NEGR1: variants seen among roughly 807,000 people sequenced by gnomAD.
NEGR1 encodes the protein IgLON family member 4.
Under a neutral mutation model 40.9 loss-of-function variants are expected in NEGR1, and 10 were observed. That is an observed-to-expected ratio of 0.24 (90% CI 0.15 to 0.42). The LOEUF (loss-of-function observed/expected upper bound fraction) is 0.42. Ranked by LOEUF, NEGR1 falls within the 10% of genes least tolerant of loss-of-function variation. NEGR1 has a pLI of 1.00. For synonymous variants in NEGR1, 185 were observed against 166.8 expected, an observed-to-expected ratio of 1.11 and a Z score of -0.84; for missense variants, 352 against 438.9, an observed-to-expected ratio of 0.80 and a Z score of 1.77.
chr1:71,554,714 G>T (rs995776356), intron 6 of NEGR1, among the ~76,000 whole-genome samples: 2 of 151,360 alleles, frequency 1.3e-5, no homozygotes, highest in African/African-American at 2.4e-5. Flanking sequence ...AAAAACTGGA[G>T]GTCTAATTTA....
At chr1:71,871,482 T>A (rs1009466050) in intron 2 of NEGR1, among the ~76,000 whole-genome samples, 1 of 152,184 alleles carries the variant, frequency 6.6e-6, no homozygotes, top group Non-Finnish European at 1.5e-5. Flanking sequence ...CACTTTTTCA[T>A]GCGGCATCCC....
chr1:72,182,782 A>G lies in NEGR1; in HGVS notation c.176+99537T>C, dbSNP rs193096084. On this transcript the variant is annotated intron_variant, in intron 1 of 6. Coordinates refer to ENST00000357731, the MANE Select transcript of NEGR1 (RefSeq NM_173808.3). ...TGAGTATCTGTGTGTGCGTGTGTAT[A>G]TATATATATATATATATGTTTGTAT... Among the ~76,000 whole-genome samples the G allele has an allele frequency of 5.4e-4, 66 of 123,252 alleles. No individual in the cohort carries two copies. The Middle Eastern group carries it at 0.018, about 34-fold the overall frequency. 80.9% of individuals were successfully genotyped at this position (123,252 alleles called of 152,430 possible).
At chr1:72,154,423 G>T (rs1430646829) in intron 1 of NEGR1, among the ~76,000 whole-genome samples, 1 of 151,908 alleles carries the variant, frequency 6.6e-6, no homozygotes, top group Non-Finnish European at 1.5e-5. Context: ...TCTGTTATCA[G>T]TGTAACTCGG....
chr1:72,104,921 TC>T (rs1331393162), intron 1 of NEGR1, among the ~76,000 whole-genome samples: 3 of 152,164 alleles, frequency 2.0e-5, no homozygotes, highest in African/African-American at 7.2e-5. Context: ...CAGAGTACAG[TC>T]TGTTCACGTG....
intron 3 of NEGR1, among the ~76,000 whole-genome samples, chr1:71,699,368 T>C (rs910323931): frequency 1.3e-5 from 2 of 151,890 alleles, no homozygotes; most frequent in Non-Finnish European, 2.9e-5. Flanking sequence ...AGTTTGCTAA[T>C]TGAAACCTTT....
intron 6 of NEGR1, among the ~76,000 whole-genome samples, chr1:71,544,938 C>T (rs1351409969): frequency 6.6e-6 from 1 of 151,668 alleles, no homozygotes; most frequent in Non-Finnish European, 1.5e-5. Context: ...TCCCCTAAAA[C>T]TGAGATGAGT....
At chr1:71,479,442 G>A (rs1278409417) in intron 6 of NEGR1, among the ~76,000 whole-genome samples, 1 of 152,016 alleles carries the variant, frequency 6.6e-6, no homozygotes, top group Non-Finnish European at 1.5e-5. Context: ...TCACTATCCA[G>A]TAGAATCAAT....
chr1:71,409,575 C>G (rs1311950602), intron 6 of NEGR1, among the ~76,000 whole-genome samples: 1 of 151,928 alleles, frequency 6.6e-6, no homozygotes, highest in East Asian at 1.9e-4. Context: ...AGCTGACCAC[C>G]TCTTTTGTGT....
Position 71,400,775 on chromosome 1 carries a change from G to C in NEGR1, c.*6671C>G, listed in dbSNP as rs377709250. 21 of 152,192 alleles carry C rather than the reference G, an allele frequency of 1.4e-4. No individual in the cohort carries two copies. Among genetic ancestry groups the C allele is most frequent in the African/African-American group, 3.6e-4 (15 of 41,526 alleles). 9.4% of individuals were successfully genotyped at this position (152,192 alleles called of 1,614,324 possible). The stretch of plus-strand genomic sequence containing the variant: ...CGTCTGGGAGCGGTGGCTCACGCCT[G>C]TAATCCCAGCACTTTAGGAGGCCGA... On this transcript the variant is annotated 3_prime_UTR_variant, in exon 7 of 7. Transcript: ENST00000357731.
At chr1:71,754,277 G>A (rs921095369) in intron 3 of NEGR1, among the ~76,000 whole-genome samples, 21 of 152,106 alleles carry the variant, frequency 1.4e-4, no homozygotes, top group African/African-American at 4.6e-4. Flanking sequence ...TACATCGTGG[G>A]TTTACAAAGA....
intron 6 of NEGR1, among the ~76,000 whole-genome samples, chr1:71,501,718 T>A (rs1182323792): frequency 6.6e-6 from 1 of 152,152 alleles, no homozygotes; most frequent in Non-Finnish European, 1.5e-5. Context: ...AAAAATAATG[T>A]TCATAAAATT....
At chr1:72,176,814 C>T (rs1652184683) in intron 1 of NEGR1, among the ~76,000 whole-genome samples, 1 of 151,934 alleles carries the variant, frequency 6.6e-6, no homozygotes, top group Non-Finnish European at 1.5e-5. Flanking sequence ...CAGGGGAGAT[C>T]AATGCCCGGT....
intron 6 of NEGR1, among the ~76,000 whole-genome samples, chr1:71,507,650 C>A (rs1469852148): frequency 6.6e-6 from 1 of 152,284 alleles, no homozygotes; most frequent in East Asian, 1.9e-4. Context: ...TTCCCCCTTC[C>A]AACAGCCACT....
At chr1:72,124,654 A>G (rs539377554) in intron 1 of NEGR1, among the ~76,000 whole-genome samples, 18 of 152,186 alleles carry the variant, frequency 1.2e-4, no homozygotes, top group African/African-American at 4.3e-4. Context: ...TCTATCATCC[A>G]CACTATGTTA....
chr1:71,577,067 A>G (rs1371002399), intron 6 of NEGR1, among the ~76,000 whole-genome samples: 1 of 152,230 alleles, frequency 6.6e-6, no homozygotes, highest in Non-Finnish European at 1.5e-5. Flanking sequence ...ATTCTAACTA[A>G]CACAGATGCT....
chr1:71,942,455 CTATATATATATATA>C lies in NEGR1; in HGVS notation c.177-7158_177-7145del, dbSNP rs1158006683. ...ATGCACAACTTAAAATTCTTTAAAT[CTATATATATATATA>C]TATATATATATATATTTTTTTTTTT... On this transcript the variant is annotated intron_variant, in intron 1 of 6. Coordinates refer to ENST00000357731, the MANE Select transcript of NEGR1 (RefSeq NM_173808.3). 1.6e-3 allele frequency among the ~76,000 whole-genome samples: 35 copies of C among 21,294 alleles called. 1 individual carries two copies. Among genetic ancestry groups the C allele is most frequent in the East Asian group, 9.8e-3 (6 of 610 alleles). The allele number at this position is 21,294 out of a possible 152,430, so 14.0% of individuals were successfully genotyped here. A position where few individuals can be genotyped will look rare whatever the true frequency, so the allele number is the denominator to read the frequency against.
At chr1:71,885,098 C>G (rs1486394659) in intron 2 of NEGR1, among the ~76,000 whole-genome samples, 1 of 152,212 alleles carries the variant, frequency 6.6e-6, no homozygotes, top group Non-Finnish European at 1.5e-5. Flanking sequence ...CATCTCCCCA[C>G]CTGGGTGATT....
At chr1:71,420,303 A>G (rs1646386068) in intron 6 of NEGR1, among the ~76,000 whole-genome samples, 1 of 152,050 alleles carries the variant, frequency 6.6e-6, no homozygotes, top group Admixed American at 6.6e-5. Flanking sequence ...ATAATTGGAA[A>G]ATTGATCTTT....
chr1:71,631,226 A>G (rs1650959414), intron 4 of NEGR1, among the ~76,000 whole-genome samples: 1 of 151,670 alleles, frequency 6.6e-6, no homozygotes, highest in Non-Finnish European at 1.5e-5. Flanking sequence ...GCTCATTTCA[A>G]AAATATTTAA....
Sources: gnomAD v4.1 joint callset for allele counts (sites outside exome capture counted in the v4.1 genomes callset) on GRCh38, gnomAD v4.1.1 for gene constraint, MANE v1.5 for transcripts, NCBI Gene and HGNC (gene_info 2026-07-23, HGNC 2026-07-21) for gene names.